The following SYNE2 variants were observed in gnomAD, a reference collection of about 807,000 sequenced individuals.
The protein encoded by SYNE2 is nesprin-2.
In SYNE2, 431 loss-of-function variants were observed where a neutral mutation model predicts 856.3. The ratio of observed to expected loss-of-function variants is 0.50; its 90% CI spans 0.47 to 0.55. The LOEUF (loss-of-function observed/expected upper bound fraction) is 0.55. Among genes scored for constraint, SYNE2 ranks in the 20% least tolerant of loss-of-function variants. The pLI, the probability that SYNE2 is intolerant of heterozygous loss-of-function variation, is 0.00. For missense variants in SYNE2, 8,129 were observed against 8,023.2 expected, an observed-to-expected ratio of 1.01 and a Z score of -0.50; for synonymous variants, 2,923 against 2,872.3, an observed-to-expected ratio of 1.02 and a Z score of -0.56.
At chr14:63,880,751 C>T (rs1328154710) in intron 1 of SYNE2, among the ~76,000 whole-genome samples, 3 of 150,790 alleles carry the variant, frequency 2.0e-5, no homozygotes, top group African/African-American at 7.3e-5. Context: ...TGGCTCCCTG[C>T]AGCCTTGGCT....
intron 1 of SYNE2, among the ~76,000 whole-genome samples, chr14:63,767,690 T>A (rs1331529660): frequency 6.6e-6 from 1 of 152,138 alleles, no homozygotes; most frequent in Non-Finnish European, 1.5e-5. Flanking sequence ...TAATCCTTTT[T>A]CCTTTCTTCT....
At chr14:64,114,775 AC>A (rs1318587631) in intron 66 of SYNE2, among the ~76,000 whole-genome samples, 11 of 151,512 alleles carry the variant, frequency 7.3e-5, no homozygotes, top group Middle Eastern at 3.4e-3. Context: ...GCACCACCAC[AC>A]CCGGCTACTT....
chr14:64,215,916 C>T (rs959897131), intron 107 of SYNE2: 3 of 1,291,272 alleles, frequency 2.3e-6, no homozygotes, highest in Non-Finnish European at 3.0e-6. Flanking sequence ...CTCTTCCCCT[C>T]ACTCCTGAGA....
intron 18 of SYNE2, among the ~76,000 whole-genome samples, chr14:63,986,029 C>T (rs1299245111): frequency 6.6e-6 from 1 of 152,174 alleles, no homozygotes; most frequent in Admixed American, 6.5e-5. Flanking sequence ...TTATTATTGT[C>T]AAAGAACTAC....
chr14:64,126,464 G>C lies in SYNE2; in HGVS notation c.13692G>C (p.Gln4564His), dbSNP rs2097946274. 1 of 1,614,016 alleles carries C rather than the reference G, an allele frequency of 6.2e-7. No individual in the cohort carries two copies. Among genetic ancestry groups the C allele is most frequent in the South Asian group, 1.1e-5 (1 of 91,090 alleles). Reference protein sequence around the residue: ...PRLYREDGSGQQVHYETLALE... With the variant: ...PRLYREDGSGHQVHYETLALE... ...TTTACAGGGAGGATGGTTCTGGCCA[G>C]CAGGTGCACTACGAGGTAGGGCACT... Residue 4564 changes from glutamine to histidine, a missense_variant, in exon 72 of 116, where the codon CAG becomes CAC. By Grantham distance (24) the Gln-to-His change is conservative. Coordinates refer to ENST00000555002, the MANE Select transcript of SYNE2 (RefSeq NM_182914.3).
chr14:64,168,132 C>G (rs553976366), intron 92 of SYNE2, among the ~76,000 whole-genome samples: 5 of 152,268 alleles, frequency 3.3e-5, no homozygotes, highest in South Asian at 2.1e-4. Context: ...GAGACAGAGT[C>G]TTCCTCTGTC....
In SYNE2 at chr14:64,002,200, G is replaced by A. The variant is rs12147217; in HGVS notation, c.3786+119G>A. ...TAGATTAAGAGTATAAGCCATGACA[G>A]TTTTTTTTTCAGTAATTTAGACTTG... On this transcript the variant is annotated intron_variant, in intron 29 of 115. Coordinates refer to ENST00000555002, the MANE Select transcript of SYNE2 (RefSeq NM_182914.3). 0.37 allele frequency: 317,618 copies of A among 861,082 alleles called. 59,258 individuals carry two copies. The highest frequency in any genetic ancestry group is 0.45 in the African/African-American group (26,023 of 58,120). The allele number at this position is 861,082 out of a possible 1,614,324, so 53.3% of individuals were successfully genotyped here. A position where few individuals can be genotyped will look rare whatever the true frequency, so the allele number is the denominator to read the frequency against.
intron 1 of SYNE2, among the ~76,000 whole-genome samples, chr14:63,883,171 A>G (rs1000783890): frequency 2.6e-5 from 4 of 151,706 alleles, no homozygotes; most frequent in Non-Finnish European, 4.4e-5. Context: ...TGATTCTCCT[A>G]CCTCAGCCTC....
At chr14:63,843,546 T>G (rs1890138059) in intron 1 of SYNE2, among the ~76,000 whole-genome samples, 1 of 152,210 alleles carries the variant, frequency 6.6e-6, no homozygotes, top group African/African-American at 2.4e-5. Flanking sequence ...GTGGAGATAG[T>G]GAGCATCCTT....
At position 64,177,478 on chromosome 14, in the gene SYNE2, A is replaced by C; in HGVS notation, c.17551A>C (p.Ile5851Leu). 6.2e-7 allele frequency: 1 copy of C among 1,614,216 alleles called. No individual in the cohort carries two copies. Among genetic ancestry groups the C allele is most frequent in the Non-Finnish European group, 8.5e-7 (1 of 1,180,034 alleles). Residue 5851 changes from isoleucine to leucine, a missense_variant, in exon 96 of 116, where the codon ATT becomes CTT. Coordinates refer to ENST00000555002, the MANE Select transcript of SYNE2 (RefSeq NM_182914.3). ...HEDLHNEKEL[I>L]KELEQSLASW... Reference sequence around the variant, plus strand: ...GGACCTCCATAACGAAAAAGAGCTGATTAAGGTATTGAAATCCAAACAAGT... The same window carrying C: ...GGACCTCCATAACGAAAAAGAGCTGCTTAAGGTATTGAAATCCAAACAAGT...
rs752893376 is a variant in SYNE2, at chr14:64,031,364, G to T, written c.7221+7G>T. The T allele has an allele frequency of 5.0e-6, 8 of 1,610,560 alleles. No homozygotes were observed. Among genetic ancestry groups the T allele is most frequent in the Non-Finnish European group, 6.8e-6 (8 of 1,177,148 alleles). On this transcript the variant is annotated splice_region_variant and intron_variant, in intron 45 of 115. Transcript: ENST00000555002. ...AGACTGGGAAATAAACAAGGTAAGT[G>T]CTTGTGATTGCACTTTCAAGACAGT...
In SYNE2 at chr14:64,225,538, G is replaced by A; in HGVS notation, c.*12G>A. ...CACCCCCCACATAGAGGGCATAGCT[G>A]GCCACAGTGCTACACCACCTGCCTG... On this transcript the variant is annotated 3_prime_UTR_variant, in exon 116 of 116. Coordinates refer to ENST00000555002, the MANE Select transcript of SYNE2 (RefSeq NM_182914.3). The A allele has an allele frequency of 6.2e-7, 1 of 1,613,036 alleles. No homozygotes were observed. Among genetic ancestry groups the A allele is most frequent in the Non-Finnish European group, 8.5e-7 (1 of 1,179,392 alleles).
At chr14:64,171,464 C>T (rs899571223) in intron 94 of SYNE2, among the ~76,000 whole-genome samples, 3 of 152,070 alleles carry the variant, frequency 2.0e-5, no homozygotes, top group African/African-American at 7.2e-5. Flanking sequence ...ATAAGACTTA[C>T]GTAGATCATT....
At position 63,791,324 on chromosome 14, in the gene SYNE2, G is replaced by T. The variant is rs577987821; in HGVS notation, c.-305+29338G>T. ...TGATCCTCCTCATTACTGTTAGAAA[G>T]GTCTAACTGAAATGCAAATGTAACA... On this transcript the variant is annotated intron_variant, in intron 1 of 23. Transcript: ENST00000674003. 1.6e-4 allele frequency among the ~76,000 whole-genome samples: 25 copies of T among 152,088 alleles called. No homozygotes were observed. The South Asian group carries it at 5.2e-3, about 32-fold the overall frequency.
chr14:64,119,282 T>G, intron 66 of SYNE2, 145 bp from the exon 67 acceptor site: 1 of 979,042 alleles, frequency 1.0e-6, no homozygotes. Flanking sequence ...TGTGGAAGTT[T>G]TTGTTTTTCC....
chr14:64,137,489 G>A (rs1220678078), intron 78 of SYNE2, among the ~76,000 whole-genome samples: 2 of 152,084 alleles, frequency 1.3e-5, no homozygotes, highest in Non-Finnish European at 2.9e-5. Flanking sequence ...GACCTCAGGT[G>A]ATCTGCCTGC....
chr14:63,882,443 C>T (rs762282495), intron 1 of SYNE2, among the ~76,000 whole-genome samples: 4 of 151,900 alleles, frequency 2.6e-5, no homozygotes, highest in Admixed American at 1.3e-4. Flanking sequence ...GCCGGGTGAG[C>T]GGTGGCTCAC....
intron 45 of SYNE2, among the ~76,000 whole-genome samples, chr14:64,037,195 G>T (rs2097097730): frequency 6.6e-6 from 1 of 151,546 alleles, no homozygotes; most frequent in African/African-American, 2.4e-5. Context: ...ATTTGGCGGG[G>T]TCATAGGACA....
chr14:63,837,220 G>C (rs1394098957), intron 1 of SYNE2, among the ~76,000 whole-genome samples: 1 of 152,190 alleles, frequency 6.6e-6, no homozygotes, highest in African/African-American at 2.4e-5. Flanking sequence ...AATGAATGGT[G>C]TTGGGACAAT....
Sources: allele counts gnomAD v4.1 joint callset (sites outside exome capture counted in the v4.1 genomes callset), GRCh38; gene constraint gnomAD v4.1.1; transcripts MANE v1.5; gene names NCBI Gene and HGNC (gene_info 2026-07-23, HGNC 2026-07-21).